The following LRP1B variants were observed in gnomAD, a reference collection of about 807,000 sequenced individuals.
The protein encoded by LRP1B is LDL receptor related protein 1B.
In LRP1B, 217 loss-of-function variants were observed where a neutral mutation model predicts 556.6. The ratio of observed to expected loss-of-function variants is 0.39; its 90% CI spans 0.35 to 0.44. The LOEUF (loss-of-function observed/expected upper bound fraction) is 0.44, where lower values mean the gene tolerates loss of function less well. Among genes scored for constraint, LRP1B ranks in the 20% least tolerant of loss-of-function variants. LRP1B has a pLI of 1.00. For missense variants in LRP1B, 5,053 were observed against 5,620.8 expected, an observed-to-expected ratio of 0.90 and a Z score of 3.23; for synonymous variants, 2,047 against 1,865.8, an observed-to-expected ratio of 1.10 and a Z score of -2.50.
intron 43 of LRP1B, among the ~76,000 whole-genome samples, chr2:140,585,403 A>G (rs1393128939): frequency 6.6e-6 from 1 of 152,114 alleles, no homozygotes; most frequent in Non-Finnish European, 1.5e-5. Context: ...TTTCTCCCAC[A>G]TCATACTGCT....
chr2:141,566,951 T>A (rs1408846229), intron 2 of LRP1B, among the ~76,000 whole-genome samples: 1 of 152,196 alleles, frequency 6.6e-6, no homozygotes, highest in Non-Finnish European at 1.5e-5. Flanking sequence ...TCATTGTTAA[T>A]AATTATAGTT....
intron 2 of LRP1B, among the ~76,000 whole-genome samples, chr2:141,735,440 C>T (rs970842311): frequency 1.6e-5 from 2 of 128,784 alleles, no homozygotes; most frequent in African/African-American, 5.9e-5. Flanking sequence ...ACACATTTTC[C>T]AATAGAAGAT....
intron 3 of LRP1B, among the ~76,000 whole-genome samples, chr2:141,464,606 A>ATATATATATATATTTTTTTTTTTTTTTTT: frequency 6.6e-5 from 6 of 90,522 alleles, no homozygotes; most frequent in African/African-American, 2.1e-4. Context: ...ATATATATAT[A>ATATATATATATATTTTTTTTTTTTTTTTT]TTTTTTTAGT....
intron 86 of LRP1B, among the ~76,000 whole-genome samples, chr2:140,258,677 T>G (rs1269882350): frequency 6.6e-6 from 1 of 152,118 alleles, no homozygotes; most frequent in Non-Finnish European, 1.5e-5. Flanking sequence ...TATTACATTT[T>G]TAATCCTCAA....
intron 60 of LRP1B, among the ~76,000 whole-genome samples, chr2:140,469,255 TG>T (rs1687670653): frequency 6.6e-6 from 1 of 152,142 alleles, no homozygotes; most frequent in Non-Finnish European, 1.5e-5. Flanking sequence ...TAAATGGGAA[TG>T]GTGCCCTTAT....
intron 3 of LRP1B, among the ~76,000 whole-genome samples, chr2:141,293,893 A>C (rs1025784078): frequency 2.0e-5 from 3 of 152,130 alleles, no homozygotes; most frequent in Non-Finnish European, 4.4e-5. Context: ...AACGTTCAAA[A>C]ATAGAACAAT....
At chr2:140,700,728 CTT>C in intron 40 of LRP1B, 107 bp from the exon 41 acceptor site, 1 of 1,140,474 alleles carries the variant, frequency 8.8e-7, no homozygotes, top group Non-Finnish European at 1.3e-6. Flanking sequence ...TGAATATTCT[CTT>C]TTTGCTCTTA....
chr2:140,475,098 A>G (rs1475595021), intron 60 of LRP1B, 40 bp downstream of exon 60: 1 of 995,668 alleles, frequency 1.0e-6, no homozygotes, highest in Non-Finnish European at 1.4e-6. Context: ...ATATTTTATG[A>G]CCTGGTAAAA....
intron 62 of LRP1B, 115 bp downstream of exon 62, chr2:140,456,340 C>G (rs1687105897): frequency 9.6e-7 from 1 of 1,040,530 alleles, no homozygotes; most frequent in Admixed American, 2.9e-5. Flanking sequence ...TAGTGTTTTC[C>G]TTTATTCTGT....
At chr2:140,467,010 T>C (rs1452638477) in intron 60 of LRP1B, among the ~76,000 whole-genome samples, 1 of 152,220 alleles carries the variant, frequency 6.6e-6, no homozygotes, top group Non-Finnish European at 1.5e-5. Context: ...TTTACCTTTC[T>C]TTTCATTAAA....
intron 3 of LRP1B, among the ~76,000 whole-genome samples, chr2:141,395,287 G>A (rs1478884266): frequency 6.6e-6 from 1 of 151,806 alleles, no homozygotes; most frequent in African/African-American, 2.4e-5. Context: ...GCCCTATACA[G>A]GTATACCATT....
chr2:140,532,588 G>C (rs1690747496), intron 47 of LRP1B, among the ~76,000 whole-genome samples: 1 of 151,884 alleles, frequency 6.6e-6, no homozygotes, highest in Non-Finnish European at 1.5e-5. Flanking sequence ...GTCGAGATGG[G>C]GTTTCACCAT....
intron 41 of LRP1B, among the ~76,000 whole-genome samples, chr2:140,632,001 T>TTAA (rs1683904218): frequency 6.6e-6 from 1 of 152,146 alleles, no homozygotes; most frequent in African/African-American, 2.4e-5. Context: ...TATGAAATAT[T>TTAA]TAATGTGTTG....
intron 57 of LRP1B, among the ~76,000 whole-genome samples, chr2:140,489,572 G>T (rs559287118): frequency 1.1e-4 from 17 of 152,182 alleles, no homozygotes; most frequent in Non-Finnish European, 2.4e-4. Flanking sequence ...GTAAGTCAAA[G>T]TTCTAAAATA....
intron 3 of LRP1B, among the ~76,000 whole-genome samples, chr2:141,425,262 T>G (rs961929840): frequency 4.6e-5 from 7 of 151,776 alleles, no homozygotes; most frequent in Admixed American, 3.3e-4. Flanking sequence ...TCATTTTTTA[T>G]GGCTGCATAG....
intron 1 of LRP1B, among the ~76,000 whole-genome samples, chr2:141,999,008 T>G (rs1702581854): frequency 6.6e-6 from 1 of 152,222 alleles, no homozygotes. Flanking sequence ...AGAGACAGCT[T>G]TGTCGGCCAT....
chr2:140,677,055 T>C (rs1685695438), intron 41 of LRP1B, among the ~76,000 whole-genome samples: 1 of 152,194 alleles, frequency 6.6e-6, no homozygotes, highest in Admixed American at 6.5e-5. Flanking sequence ...AGAAAAGCAG[T>C]GTTGTCAATA....
intron 7 of LRP1B, among the ~76,000 whole-genome samples, chr2:141,075,558 C>T (rs756678314): frequency 2.0e-5 from 3 of 152,012 alleles, no homozygotes; most frequent in Non-Finnish European, 2.9e-5. Flanking sequence ...GCTCAATATA[C>T]GTGATTCATG....
At chr2:141,390,403 A>G (rs917732586) in intron 3 of LRP1B, among the ~76,000 whole-genome samples, 14 of 152,234 alleles carry the variant, frequency 9.2e-5, no homozygotes, top group African/African-American at 3.4e-4. Flanking sequence ...CCTCAAAAAC[A>G]TAAACATAGA....
Sources: gnomAD v4.1 joint callset for allele counts (sites outside exome capture counted in the v4.1 genomes callset) on GRCh38, gnomAD v4.1.1 for gene constraint, MANE v1.5 for transcripts, NCBI Gene and HGNC (gene_info 2026-07-23, HGNC 2026-07-21) for gene names.